The following E2F8 variants were observed in gnomAD, a reference collection of about 807,000 sequenced individuals.
E2F8 encodes the protein E2F transcription factor 8.
In E2F8, 35 loss-of-function variants were observed where a neutral mutation model predicts 80.8. The ratio of observed to expected loss-of-function variants is 0.43; its 90% confidence interval spans 0.33 to 0.57. The LOEUF is 0.57. Ranked by LOEUF, E2F8 falls within the 20% of genes least tolerant of loss-of-function variation. The probability of loss-of-function intolerance (pLI) is 0.04; values close to 1 mark genes in which losing one functional copy is unlikely to be tolerated. For synonymous variants in E2F8, 386 were observed against 395.0 expected (o/e 0.98, Z 0.27); for missense variants, 975 against 1,056.2 (o/e 0.92, Z 1.07).
chr11:19,234,212 T>A, intron 6 of E2F8, 148 bp downstream of exon 6: 1 of 804,894 alleles, frequency 1.2e-6, no homozygotes, highest in Non-Finnish European at 1.9e-6. Flanking sequence ...AAATCAATAT[T>A]ATCATGGCTT....
chr11:19,229,742 CG>C lies in E2F8; in HGVS notation c.1604del (p.Thr535SerfsTer6), dbSNP rs1565067988. The C allele has an allele frequency of 1.2e-6, 2 of 1,614,026 alleles. No homozygotes were observed. On this transcript the variant is annotated frameshift_variant, in exon 10 of 13. Coordinates refer to ENST00000250024, the MANE Select transcript of E2F8 (RefSeq NM_024680.4). LOFTEE classifies it high-confidence loss of function. The surrounding 1 kb of genome is among the most constrained non-coding windows in gnomAD (Gnocchi z 4.3). ...LQPTQAHQSV[T>X]PPQGLSPTVC... ...CCGTTGGGCTCAGGCCTTGGGGTGG[CG>C]TCACACTTTGGTGGGCTTGAGTGGG...
At chr11:19,225,980 A>G (rs1851227146) in intron 10 of E2F8, 116 bp from the exon 11 acceptor site, 2 of 1,272,536 alleles carry the variant, frequency 1.6e-6, no homozygotes, top group African/African-American at 3.0e-5. Context: ...CAAAGCCTCC[A>G]GCGGAGTGGG....
intron 5 of E2F8, 44 bp downstream of exon 5, chr11:19,234,700 G>A: frequency 6.4e-7 from 1 of 1,574,022 alleles, no homozygotes; most frequent in Non-Finnish European, 8.6e-7. Context: ...CTTAGACAGA[G>A]GACAAATGCC....
chr11:19,239,209 G>T (rs774576930), intron 2 of E2F8, among the ~76,000 whole-genome samples: 2 of 152,162 alleles, frequency 1.3e-5, no homozygotes, highest in Non-Finnish European at 2.9e-5. Flanking sequence ...TTCTTAGCTC[G>T]CAGAAGAGAA....
Position 19,225,461 on chromosome 11 carries a change from C to A in E2F8, c.2181G>T (p.Gln727His). Residue 727 changes from glutamine to histidine, a missense_variant, in exon 12 of 13, where the codon CAG becomes CAT. By Grantham distance (24) the Gln-to-His change is conservative (BLOSUM62 0). Coordinates refer to ENST00000250024, the MANE Select transcript of E2F8 (RefSeq NM_024680.4). ...ALASSHPVPI[Q>H]NPSSAIVNFT... is the part of the protein sequence containing the mutation. ...AGTTTACAATGGCTGAGCTTGGGTT[C>A]TGGATGGGAACAGGGTGGCTTGAAG... The A allele has an allele frequency of 6.2e-7, 1 of 1,614,202 alleles. No individual in the cohort carries two copies. The highest frequency in any genetic ancestry group is 8.5e-7 in the Non-Finnish European group (1 of 1,180,044).
chr11:19,238,629 G>C (rs1305464455), intron 2 of E2F8, among the ~76,000 whole-genome samples: 1 of 152,216 alleles, frequency 6.6e-6, no homozygotes, highest in East Asian at 1.9e-4. Context: ...CATGCAGTGG[G>C]TGCTAAATAA....
Position 19,232,837 on chromosome 11 carries a change from CAT to C in E2F8, c.929-468_929-467del, listed in dbSNP as rs371782657. Among the ~76,000 whole-genome samples, 58 of 152,280 alleles carry C rather than the reference CAT, an allele frequency of 3.8e-4. No homozygotes were observed. The East Asian group carries it at 8.1e-3, about 21-fold the overall frequency. On this transcript the variant is annotated intron_variant, in intron 6 of 12. Coordinates refer to ENST00000250024, the MANE Select transcript of E2F8 (RefSeq NM_024680.4). The stretch of plus-strand genomic sequence containing the variant: ...CATGGAAAATTCTGTACTCCATCAA[CAT>C]GTGTAATTTTTTAATACTGTCTATG...
chr11:19,230,628 T>C lies in E2F8; in HGVS notation c.1270+3A>G, dbSNP rs770931138. 1.7e-5 allele frequency: 28 copies of C among 1,613,672 alleles called. No homozygotes were observed. The highest frequency in any genetic ancestry group is 2.4e-5 in the Non-Finnish European group (28 of 1,179,840). ...CAGATCCCTGACATTCCTGAAAACATACCTTTGTTGGTCTTGATAGGGCTA... is the reference window on the plus strand; with the variant it reads ...CAGATCCCTGACATTCCTGAAAACACACCTTTGTTGGTCTTGATAGGGCTA... On this transcript the variant is annotated splice_donor_region_variant and intron_variant, in intron 8 of 12. Transcript: ENST00000250024.
intron 2 of E2F8, among the ~76,000 whole-genome samples, chr11:19,239,572 AT>A (rs1485156699): frequency 6.6e-6 from 1 of 151,954 alleles, no homozygotes; most frequent in Non-Finnish European, 1.5e-5. Flanking sequence ...TAAGCTGCCA[AT>A]TTGGTAAAAA....
At chr11:19,232,199 T>C in intron 7 of E2F8, 35 bp downstream of exon 7, 1 of 1,606,602 alleles carries the variant, frequency 6.2e-7, no homozygotes, top group Non-Finnish European at 8.5e-7. Context: ...CACACACAAA[T>C]AATAAAGCAG....
intron 4 of E2F8, among the ~76,000 whole-genome samples, chr11:19,236,930 C>A (rs553445411): frequency 6.6e-6 from 1 of 152,360 alleles, no homozygotes; most frequent in South Asian, 2.1e-4. Context: ...CTCACAGAAG[C>A]TGATCCTCAG....
chr11:19,228,765 G>A (rs537249752), intron 10 of E2F8, among the ~76,000 whole-genome samples: 1 of 152,292 alleles, frequency 6.6e-6, no homozygotes, highest in South Asian at 2.1e-4. Flanking sequence ...TGTCCTAAGG[G>A]AGGAAAATGA....
At chr11:19,232,612 G>C (rs1330783785) in intron 6 of E2F8, among the ~76,000 whole-genome samples, 1 of 152,002 alleles carries the variant, frequency 6.6e-6, no homozygotes. Flanking sequence ...AGCATACGTT[G>C]ACAAAGGAAA....
At chr11:19,235,399 A>G (rs1851487516) in intron 4 of E2F8, among the ~76,000 whole-genome samples, 1 of 152,244 alleles carries the variant, frequency 6.6e-6, no homozygotes, top group East Asian at 1.9e-4. Flanking sequence ...CTGTAATCCC[A>G]GCACCTTGGG....
At chr11:19,238,226 C>G in intron 2 of E2F8, 94 bp from the exon 3 acceptor site, 1 of 1,302,270 alleles carries the variant, frequency 7.7e-7, no homozygotes, top group Non-Finnish European at 1.0e-6. Context: ...TAGAATCATG[C>G]CAAGGAAAAA....
intron 4 of E2F8, 52 bp from the exon 5 acceptor site, chr11:19,235,110 T>C (rs777267256): frequency 1.2e-4 from 175 of 1,474,852 alleles, no homozygotes; most frequent in Non-Finnish European, 1.4e-4. Flanking sequence ...GTGTTTAGAA[T>C]TGAATAGCTT....
chr11:19,232,244 T>G lies in E2F8; in HGVS notation c.1056A>C (p.Pro352=). The change falls in exon 7 of 13, where the codon CCA becomes CCC. Residue 352 remains proline (P), a synonymous_variant. Coordinates refer to ENST00000250024, the MANE Select transcript of E2F8 (RefSeq NM_024680.4). ...AFKWTGPEIS[P]NTSGSSPVIH... ...GAAAAAAATACATACCACTGGTATT[T>G]GGACTGATTTCTGGGCCGGTCCATT... 6.2e-7 allele frequency: 1 copy of G among 1,613,928 alleles called. No homozygotes were observed. Among genetic ancestry groups the G allele is most frequent in the Non-Finnish European group, 8.5e-7 (1 of 1,179,976 alleles).
intron 8 of E2F8, 78 bp from the exon 9 acceptor site, chr11:19,230,406 C>G (rs1342611585): frequency 1.4e-6 from 2 of 1,432,268 alleles, no homozygotes; most frequent in African/African-American, 2.9e-5. Flanking sequence ...TCACTGAAGT[C>G]AGAGGAACAG....
At chr11:19,228,018 G>A (rs1043323346) in intron 10 of E2F8, among the ~76,000 whole-genome samples, 4 of 152,200 alleles carry the variant, frequency 2.6e-5, no homozygotes, top group African/African-American at 4.8e-5. Context: ...CTTGGAGGTC[G>A]AGGCTGCAGT....
Sources: gnomAD v4.1 joint callset for allele counts (sites outside exome capture counted in the v4.1 genomes callset) on GRCh38, gnomAD v4.1.1 for gene constraint, Gnocchi (gnomAD v3.1) non-coding constraint, MANE v1.5 for transcripts, NCBI Gene and HGNC (gene_info 2026-07-23, HGNC 2026-07-21) for gene names.